TANC2: variants seen among roughly 807,000 people sequenced by gnomAD.
The protein encoded by TANC2 is protein TANC2.
Under a neutral mutation model 210.5 loss-of-function variants are expected in TANC2, and 26 were observed. The observed-to-expected ratio is 0.12, with a 90% CI of 0.09 to 0.17. The LOEUF is 0.17. TANC2 is among the 10% of genes least tolerant of loss of function. The pLI is 1.00. For synonymous variants in TANC2, 931 were observed against 967.1 expected (o/e 0.96, Z 0.69); for missense variants, 2,129 against 2,608.9 (o/e 0.82, Z 4.01).
chr17:63,227,878 T>C (rs2042369553), intron 7 of TANC2, among the ~76,000 whole-genome samples: 1 of 152,196 alleles, frequency 6.6e-6, no homozygotes. Flanking sequence ...TATTTATTTT[T>C]TTTGAGACAG....
At chr17:63,090,954 A>T (rs372326590) in intron 3 of TANC2, among the ~76,000 whole-genome samples, 1 of 152,062 alleles carries the variant, frequency 6.6e-6, no homozygotes, top group Non-Finnish European at 1.5e-5. Flanking sequence ...TTCTCTGATG[A>T]CCAGTGATGA....
intron 4 of TANC2, among the ~76,000 whole-genome samples, chr17:63,139,797 A>C (rs1367105549): frequency 6.6e-6 from 1 of 152,172 alleles, no homozygotes; most frequent in African/African-American, 2.4e-5. Context: ...CCAGCTACTC[A>C]GGAGGCAGAG....
At chr17:63,174,192 T>C (rs2040500086) in intron 5 of TANC2, among the ~76,000 whole-genome samples, 1 of 152,252 alleles carries the variant, frequency 6.6e-6, no homozygotes, top group East Asian at 1.9e-4. Flanking sequence ...TAGTCATCTC[T>C]TGGCAGTAAA....
intron 14 of TANC2, among the ~76,000 whole-genome samples, chr17:63,360,314 A>G (rs1023101285): frequency 1.3e-5 from 2 of 152,166 alleles, no homozygotes; most frequent in African/African-American, 4.8e-5. Flanking sequence ...AAACTGGAGG[A>G]TGGGTTCTGC....
At position 63,235,995 on chromosome 17, in the gene TANC2, G is replaced by A. The variant is rs533394946; in HGVS notation, c.770-1819G>A. Among the ~76,000 whole-genome samples, 15 of 152,078 alleles carry A rather than the reference G, an allele frequency of 9.9e-5. No individual in the cohort carries two copies. The South Asian group carries it at 3.1e-3, about 32-fold the overall frequency. On this transcript the variant is annotated intron_variant, in intron 7 of 27. Transcript: ENST00000689528. ...AGGTACTTAAATCCATAAAGTTAGAGCTACAGAGATCTGTACAAGTAGGGC... is the reference window on the plus strand; with the variant it reads ...AGGTACTTAAATCCATAAAGTTAGAACTACAGAGATCTGTACAAGTAGGGC...
chr17:62,991,666 CAAAA>C (rs1188176987), intron 1 of TANC2, among the ~76,000 whole-genome samples: 13 of 147,982 alleles, frequency 8.8e-5, no homozygotes, highest in African/African-American at 1.5e-4. Context: ...AAAAAACAAA[CAAAA>C]AAAGCTAAGT....
chr17:63,267,994 C>G, intron 9 of TANC2, 121 bp downstream of exon 9: 1 of 1,140,000 alleles, frequency 8.8e-7, no homozygotes, highest in Non-Finnish European at 1.2e-6. Context: ...GTGAAATGAT[C>G]CATTTTAGCA....
intron 5 of TANC2, among the ~76,000 whole-genome samples, chr17:63,193,542 C>T (rs1376440893): frequency 2.6e-5 from 4 of 152,002 alleles, no homozygotes; most frequent in Non-Finnish European, 5.9e-5. Flanking sequence ...GGCATCAAAC[C>T]GTATGACACT....
intron 5 of TANC2, among the ~76,000 whole-genome samples, chr17:63,166,738 C>T (rs1158832635): frequency 2.0e-5 from 3 of 152,142 alleles, no homozygotes; most frequent in Admixed American, 6.5e-5. Context: ...CACTTCTACC[C>T]ATAACAGTGT....
At chr17:63,422,199 A>T in exon 28 of TANC2, 1 of 453,296 alleles carries the variant, frequency 2.2e-6, no homozygotes, top group South Asian at 3.1e-5. Context: ...TCAGATGCCA[A>T]CGAGGAGATT....
intron 5 of TANC2, among the ~76,000 whole-genome samples, chr17:63,161,522 C>G (rs2040024281): frequency 6.6e-6 from 1 of 152,156 alleles, no homozygotes; most frequent in Non-Finnish European, 1.5e-5. Context: ...TACTGACTCC[C>G]TCTTCCCCAA....
chr17:63,335,939 T>A (rs1181388741), intron 11 of TANC2, among the ~76,000 whole-genome samples: 1 of 151,628 alleles, frequency 6.6e-6, no homozygotes, highest in Non-Finnish European at 1.5e-5. Flanking sequence ...AAGTAAAAAA[T>A]TAAAAAATAA....
At chr17:63,318,970 C>G in exon 11 of TANC2, 3 of 1,613,024 alleles carry the variant, frequency 1.9e-6, no homozygotes, top group Non-Finnish European at 2.5e-6. Flanking sequence ...TGGATGCCAA[C>G]AGAGAGCTGC....
intron 4 of TANC2, among the ~76,000 whole-genome samples, chr17:63,104,357 T>A (rs1351052731): frequency 6.6e-6 from 1 of 152,170 alleles, no homozygotes; most frequent in African/African-American, 2.4e-5. Context: ...TTACGGAATT[T>A]ATATTATTTA....
At chr17:63,227,813 T>C (rs2042367329) in intron 7 of TANC2, among the ~76,000 whole-genome samples, 1 of 152,188 alleles carries the variant, frequency 6.6e-6, no homozygotes, top group Non-Finnish European at 1.5e-5. Flanking sequence ...AGTTTTAGTT[T>C]TCTGCATATG....
chr17:63,102,491 C>T (rs1293805187), intron 4 of TANC2, among the ~76,000 whole-genome samples: 2 of 148,814 alleles, frequency 1.3e-5, no homozygotes, highest in Non-Finnish European at 3.0e-5. Context: ...TTTTATTATA[C>T]TTTAAGTTTT....
intron 1 of TANC2, among the ~76,000 whole-genome samples, chr17:62,985,256 A>G (rs913215986): frequency 4.6e-5 from 7 of 152,100 alleles, no homozygotes; most frequent in Admixed American, 4.6e-4. Flanking sequence ...TACTAAGACT[A>G]ATGGGGATTC....
At chr17:63,209,925 C>G (rs565898989) in intron 7 of TANC2, among the ~76,000 whole-genome samples, 26 of 152,286 alleles carry the variant, frequency 1.7e-4, no homozygotes, top group African/African-American at 6.0e-4. Flanking sequence ...CCTTTATTCT[C>G]TCAATGGTGT....
At position 63,420,656 on chromosome 17, in the gene TANC2, T is replaced by C. The variant is rs1248396400; in HGVS notation, c.4926T>C (p.Ser1642=). ...GTATGAGTGTCTATAGATCCCAGTCTGGTTCACCCGTGCGCTATCAGCAGG... is the reference window on the plus strand; with the variant it reads ...GTATGAGTGTCTATAGATCCCAGTCCGGTTCACCCGTGCGCTATCAGCAGG... Residue 1642 remains serine (S), a synonymous_variant, in exon 28 of 28, where the codon TCT becomes TCC. Coordinates refer to ENST00000689528, the Ensembl canonical transcript of TANC2. The surrounding 1 kb of genome is among the most constrained non-coding windows in gnomAD (Gnocchi z 4.2). 62 of 1,613,686 alleles carry C rather than the reference T, an allele frequency of 3.8e-5. No individual in the cohort carries two copies. The highest frequency in any genetic ancestry group is 5.3e-5 in the Non-Finnish European group (62 of 1,179,816).
Sources: gnomAD v4.1 joint callset for allele counts (sites outside exome capture counted in the v4.1 genomes callset) on GRCh38, gnomAD v4.1.1 for gene constraint, Gnocchi (gnomAD v3.1) non-coding constraint, MANE v1.5 for transcripts, NCBI Gene and HGNC (gene_info 2026-07-23, HGNC 2026-07-21) for gene names.